The following MALRD1 variants were observed in gnomAD, a reference collection of about 807,000 sequenced individuals.
MALRD1 encodes the protein MAM and LDL receptor class A domain containing 1.
A neutral mutation model predicts 242.1 loss-of-function variants in MALRD1; 247 were observed. That is an observed-to-expected ratio of 1.02 (90% CI 0.92 to 1.13). The LOEUF (loss-of-function observed/expected upper bound fraction) is 1.13. Ranked by LOEUF, MALRD1 falls within the 50% of genes most tolerant of loss-of-function variation. MALRD1 has a pLI of 0.00. For missense variants in MALRD1, 2,989 were observed against 2,533.1 expected (o/e 1.18, Z -3.86); for synonymous variants, 995 against 866.6 (o/e 1.15, Z -2.60).
intron 4 of MALRD1, among the ~76,000 whole-genome samples, chr10:19,096,828 C>T (rs545218142): frequency 2.6e-5 from 4 of 152,274 alleles, no homozygotes; most frequent in South Asian, 2.1e-4. Flanking sequence ...TAGGCGATTT[C>T]GGTCCCAGCT....
rs558771097 is a variant in MALRD1, at chr10:19,451,602, C to T, written c.5029+1112C>T. Among the ~76,000 whole-genome samples, 46 of 152,208 alleles carry T rather than the reference C, an allele frequency of 3.0e-4. 1 individual carries two copies. In the South Asian group the frequency reaches 6.8e-3, roughly 23 times the overall value. Reference sequence around the variant, plus strand: ...ACTGATTCACTTGGCAGCAAGTCCCCGCGACTAAAAGAGCTAAACCTGAAT... The same window carrying T: ...ACTGATTCACTTGGCAGCAAGTCCCTGCGACTAAAAGAGCTAAACCTGAAT... On this transcript the variant is annotated intron_variant, in intron 29 of 39. Transcript: ENST00000454679.
At chr10:19,294,377 G>A (rs1432743680) in intron 21 of MALRD1, among the ~76,000 whole-genome samples, 2 of 152,098 alleles carry the variant, frequency 1.3e-5, no homozygotes, top group African/African-American at 4.8e-5. Context: ...TATGAAATAT[G>A]AATCATTTTT....
chr10:19,098,197 T>C lies in MALRD1; in HGVS notation c.598-5782T>C, dbSNP rs118084072. Among the ~76,000 whole-genome samples the C allele has an allele frequency of 2.3e-3, 350 of 152,348 alleles. 2 individuals are homozygous for C. The highest frequency in any genetic ancestry group is 4.1e-3 in the Non-Finnish European group (278 of 68,030). On this transcript the variant is annotated intron_variant, in intron 4 of 39. Transcript: ENST00000454679. ...TTTATGGGTAAGAAGGAATGAATAC[T>C]ATAGCTTACTACTAAGTATATCACT...
At chr10:19,103,129 G>A (rs887359847) in intron 4 of MALRD1, among the ~76,000 whole-genome samples, 46 of 152,010 alleles carry the variant, frequency 3.0e-4, no homozygotes, top group Non-Finnish European at 8.8e-5. Flanking sequence ...GATTACAGGC[G>A]TGAGGCACTG....
chr10:19,250,719 T>C (rs1294697584), intron 18 of MALRD1, among the ~76,000 whole-genome samples: 3 of 151,898 alleles, frequency 2.0e-5, no homozygotes, highest in Non-Finnish European at 4.4e-5. Flanking sequence ...GTTAATCTCA[T>C]ATGAGTTGAG....
intron 36 of MALRD1, among the ~76,000 whole-genome samples, chr10:19,624,878 G>GA (rs145042762): frequency 3.6e-4 from 43 of 119,938 alleles, no homozygotes; most frequent in South Asian, 1.1e-3. Context: ...CTCAAAAAAG[G>GA]AAAAAAAAAA....
At chr10:19,480,458 G>A (rs1456679155) in intron 29 of MALRD1, among the ~76,000 whole-genome samples, 1 of 152,140 alleles carries the variant, frequency 6.6e-6, no homozygotes, top group Admixed American at 6.5e-5. Flanking sequence ...GAGAAGGAAG[G>A]TTGAGACATT....
intron 18 of MALRD1, among the ~76,000 whole-genome samples, chr10:19,234,187 A>T (rs1310712372): frequency 6.6e-6 from 1 of 152,020 alleles, no homozygotes; most frequent in African/African-American, 2.4e-5. Context: ...AGAAAAATAA[A>T]ATAATCTATA....
intron 19 of MALRD1, among the ~76,000 whole-genome samples, chr10:19,261,472 G>A (rs1839748458): frequency 1.3e-5 from 2 of 148,840 alleles, no homozygotes; most frequent in Admixed American, 6.7e-5. Context: ...TGTTACTCTT[G>A]ATGCTTTCCA....
chr10:19,659,532 T>C (rs1418352483), intron 36 of MALRD1, among the ~76,000 whole-genome samples: 1 of 152,178 alleles, frequency 6.6e-6, no homozygotes, highest in Non-Finnish European at 1.5e-5. Context: ...AATTTTAATA[T>C]GGGATTCCAT....
intron 5 of MALRD1, among the ~76,000 whole-genome samples, chr10:19,122,382 G>A (rs915909005): frequency 9.9e-5 from 15 of 152,112 alleles, no homozygotes; most frequent in African/African-American, 3.6e-4. Context: ...GGTGGCAAAG[G>A]TTGTTTTTCA....
chr10:19,267,307 GT>G (rs1840011367), intron 19 of MALRD1, among the ~76,000 whole-genome samples: 1 of 152,028 alleles, frequency 6.6e-6, no homozygotes, highest in Non-Finnish European at 1.5e-5. Context: ...CAGGATAACT[GT>G]TACTAAAGCA....
chr10:19,304,867 C>T (rs1453521250), intron 21 of MALRD1, among the ~76,000 whole-genome samples: 1 of 151,746 alleles, frequency 6.6e-6, no homozygotes, highest in Non-Finnish European at 1.5e-5. Flanking sequence ...TTTGTTTTCA[C>T]TGATTATTGT....
At chr10:19,055,183 A>C (rs1318833110) in intron 1 of MALRD1, among the ~76,000 whole-genome samples, 1 of 152,154 alleles carries the variant, frequency 6.6e-6, no homozygotes, top group Non-Finnish European at 1.5e-5. Flanking sequence ...GTACCTATTG[A>C]ACATTTGTAT....
chr10:19,373,072 G>A (rs1845447306), intron 26 of MALRD1, among the ~76,000 whole-genome samples: 1 of 151,862 alleles, frequency 6.6e-6, no homozygotes, highest in African/African-American at 2.4e-5. Context: ...GTCTGCGAAA[G>A]TGTGAATTTA....
rs80104176 is a variant in MALRD1 at position 19,608,809 on chromosome 10, G to A, written c.6070+907G>A. Reference sequence around the variant, plus strand: ...ACTCACAGACCACTGCATTTTATGAGTACAAAAGCAAATGAAAAAGTGACC... The same window carrying A: ...ACTCACAGACCACTGCATTTTATGAATACAAAAGCAAATGAAAAAGTGACC... On this transcript the variant is annotated intron_variant, in intron 35 of 39. Coordinates refer to ENST00000454679, the MANE Select transcript of MALRD1 (RefSeq NM_001142308.3). 5.1e-4 allele frequency among the ~76,000 whole-genome samples: 77 copies of A among 152,044 alleles called. 1 individual carries two copies. In the East Asian group the frequency reaches 0.012, roughly 23 times the overall value.
intron 18 of MALRD1, among the ~76,000 whole-genome samples, chr10:19,253,073 T>C (rs577537923): frequency 6.6e-6 from 1 of 152,120 alleles, no homozygotes; most frequent in African/African-American, 2.4e-5. Flanking sequence ...ACCTTAGGTG[T>C]TAAAATGGGC....
chr10:19,717,198 C>T (rs753245108), intron 38 of MALRD1, among the ~76,000 whole-genome samples: 7 of 152,138 alleles, frequency 4.6e-5, no homozygotes, highest in Non-Finnish European at 8.8e-5. Context: ...AAAAGTGGCT[C>T]ATTTAGCATG....
rs187676490 is a variant in MALRD1 at position 19,457,550 on chromosome 10, A to G, written c.5029+7060A>G. 3.9e-3 allele frequency among the ~76,000 whole-genome samples: 589 copies of G among 152,154 alleles called. 7 individuals carry two copies. The highest frequency in any genetic ancestry group is 6.2e-3 in the Non-Finnish European group (424 of 68,008). ...CGCCCTGGGTTTTATAACTTAGGTG[A>G]AAGCATGAAAGGATGTTCTGTTTCT... On this transcript the variant is annotated intron_variant, in intron 29 of 39. Transcript: ENST00000454679.
Sources: allele counts gnomAD v4.1 joint callset (sites outside exome capture counted in the v4.1 genomes callset), GRCh38; gene constraint gnomAD v4.1.1; transcripts MANE v1.5; gene names NCBI Gene and HGNC (gene_info 2026-07-23, HGNC 2026-07-21).